Variants in PAK1 observed in about 807,000 individuals in gnomAD.
PAK1 encodes serine/threonine-protein kinase PAK 1.
PAK1 carries 29 observed loss-of-function variants against 67.4 expected under a neutral mutation model. That is an observed-to-expected ratio of 0.43 (90% CI 0.32 to 0.59). The LOEUF is 0.59. Among genes scored for constraint, PAK1 ranks in the 20% least tolerant of loss-of-function variants. The pLI is 0.07. For synonymous variants in PAK1, 223 were observed against 237.4 expected (o/e 0.94, Z 0.56); for missense variants, 337 against 670.7 (o/e 0.50, Z 5.50).
chr11:77,516,570 T>G, the PAK1 span, among the ~76,000 whole-genome samples: 1 of 152,218 alleles, frequency 6.6e-6, no homozygotes, highest in Non-Finnish European at 1.5e-5. Context: ...CTGTGAACTG[T>G]GAGATAAGGA....
At chr11:77,329,837 T>A (rs556410145) in intron 14 of PAK1, among the ~76,000 whole-genome samples, 97 of 152,240 alleles carry the variant, frequency 6.4e-4, no homozygotes, top group African/African-American at 2.3e-3. Flanking sequence ...AAAAAAGAAG[T>A]CAAATTGTCC....
intron 1 of PAK1, among the ~76,000 whole-genome samples, chr11:77,459,318 C>T (rs2135465926): frequency 6.6e-6 from 1 of 152,232 alleles, no homozygotes; most frequent in East Asian, 1.9e-4. Context: ...GTTGCCACGA[C>T]ACTAGTTAAT....
chr11:77,354,638 TA>T, intron 7 of PAK1, among the ~76,000 whole-genome samples: 2 of 152,160 alleles, frequency 1.3e-5, no homozygotes, highest in African/African-American at 2.4e-5. Context: ...GATGACTAGG[TA>T]AGTGGCTTTT....
the PAK1 span, among the ~76,000 whole-genome samples, chr11:77,500,436 C>T: frequency 2.0e-5 from 3 of 151,906 alleles, no homozygotes; most frequent in African/African-American, 7.3e-5. Flanking sequence ...CACTGCACCC[C>T]AGCCTGGGCA....
intron 14 of PAK1, among the ~76,000 whole-genome samples, chr11:77,327,904 G>C (rs1193703885): frequency 2.0e-5 from 3 of 152,152 alleles, no homozygotes; most frequent in Non-Finnish European, 4.4e-5. Context: ...CACGTGCAGA[G>C]ACACACATAG....
chr11:77,368,238 G>C (rs1460853540), intron 5 of PAK1, among the ~76,000 whole-genome samples: 2 of 152,130 alleles, frequency 1.3e-5, no homozygotes, highest in African/African-American at 2.4e-5. Flanking sequence ...AAAAAGATTG[G>C]TCACATACAG....
intron 13 of PAK1, among the ~76,000 whole-genome samples, chr11:77,333,519 C>T (rs1942118546): frequency 6.6e-6 from 1 of 152,128 alleles, no homozygotes; most frequent in South Asian, 2.1e-4. Context: ...CTTGCTTACA[C>T]ATCTGAAGGG....
chr11:77,427,279 C>A (rs758417179), intron 1 of PAK1, among the ~76,000 whole-genome samples: 2 of 152,174 alleles, frequency 1.3e-5, no homozygotes, highest in Non-Finnish European at 2.9e-5. Flanking sequence ...CAATTTGGGG[C>A]AGGCTTTTTT....
At chr11:77,460,303 G>T (rs1323411127) in intron 1 of PAK1, among the ~76,000 whole-genome samples, 1 of 149,772 alleles carries the variant, frequency 6.7e-6, no homozygotes, top group East Asian at 1.9e-4. Context: ...TACATCTGTG[G>T]CTATAAGGTT....
upstream of PAK1, chr11:77,475,039 A>T (rs1958036340): frequency 6.6e-6 from 1 of 152,202 alleles, no homozygotes; most frequent in South Asian, 2.1e-4. Flanking sequence ...GTAGTACCTT[A>T]ACTAGGTCTT....
chr11:77,336,031 C>T (rs1942636021), intron 13 of PAK1, 55 bp downstream of exon 13: 1 of 1,148,844 alleles, frequency 8.7e-7, no homozygotes, highest in Admixed American at 2.0e-5. Flanking sequence ...ATTCTTATTT[C>T]CTGGGACTAG....
the PAK1 span, among the ~76,000 whole-genome samples, chr11:77,527,587 G>A: frequency 6.6e-6 from 1 of 152,146 alleles, no homozygotes; most frequent in African/African-American, 2.4e-5. Flanking sequence ...CAGACCTAGG[G>A]TTCAAACTCA....
the PAK1 span, among the ~76,000 whole-genome samples, chr11:77,526,786 T>C: frequency 6.6e-6 from 1 of 152,132 alleles, no homozygotes; most frequent in African/African-American, 2.4e-5. Context: ...TGTAGTGGCA[T>C]GCACCTGTAA....
chr11:77,330,854 C>G (rs1441945565), intron 14 of PAK1, among the ~76,000 whole-genome samples: 1 of 152,144 alleles, frequency 6.6e-6, no homozygotes, highest in African/African-American at 2.4e-5. Context: ...AGGCAACCTA[C>G]AGGATGGGAG....
chr11:77,513,891 T>C, the PAK1 span, among the ~76,000 whole-genome samples: 2 of 152,108 alleles, frequency 1.3e-5, no homozygotes, highest in African/African-American at 4.8e-5. Context: ...GACTAACACA[T>C]TTATTAGGTA....
At chr11:77,331,529 G>A (rs1404964639) in intron 14 of PAK1, among the ~76,000 whole-genome samples, 1 of 152,100 alleles carries the variant, frequency 6.6e-6, no homozygotes, top group African/African-American at 2.4e-5. Context: ...GCAAACTATT[G>A]CAAGGACAAA....
chr11:77,463,966 G>A (rs1240231125), intron 1 of PAK1, among the ~76,000 whole-genome samples: 1 of 152,190 alleles, frequency 6.6e-6, no homozygotes, highest in Non-Finnish European at 1.5e-5. Context: ...AGTTTGTAAA[G>A]AGGTGAAATT....
At chr11:77,476,976 C>T (rs960244398), upstream of PAK1, 1 of 151,946 alleles carries the variant, frequency 6.6e-6, no homozygotes, top group African/African-American at 2.4e-5. Flanking sequence ...AGTGAAACTC[C>T]ATCTCAAAAA....
chr11:77,415,775 C>T (rs684793), intron 1 of PAK1, among the ~76,000 whole-genome samples: 36,742 of 151,802 alleles, frequency 0.24, 5,065 homozygotes, highest in Non-Finnish European at 0.31. Flanking sequence ...TGTATGTTTA[C>T]GCTGCACTAA....
Sources: gnomAD v4.1 joint callset for allele counts (sites outside exome capture counted in the v4.1 genomes callset) on GRCh38, gnomAD v4.1.1 for gene constraint, MANE v1.5 for transcripts, NCBI Gene and HGNC (gene_info 2026-07-23, HGNC 2026-07-21) for gene names.